ATXN7: variants seen among roughly 807,000 people sequenced by gnomAD.
ATXN7 encodes ataxin-7.
In ATXN7, 12 loss-of-function variants were observed where a neutral mutation model predicts 70.5. The ratio of observed to expected loss-of-function variants is 0.17; its 90% CI spans 0.11 to 0.28. The LOEUF is 0.28. Ranked by LOEUF, ATXN7 falls within the 10% of genes least tolerant of loss-of-function variation. ATXN7 has a pLI of 1.00. For synonymous variants in ATXN7, 498 were observed against 448.7 expected, an observed-to-expected ratio of 1.11 and a Z score of -1.39; for missense variants, 1,256 against 1,131.7, an observed-to-expected ratio of 1.11 and a Z score of -1.58.
chr3:63,863,805 C>T, upstream of ATXN7: 1 of 1,110,930 alleles, frequency 9.0e-7, no homozygotes, highest in East Asian at 3.3e-5. Context: ...TGCGCGGCGG[C>T]GGCGGCGGCG....
intron 8 of ATXN7, among the ~76,000 whole-genome samples, chr3:63,984,509 A>G (rs953325893): frequency 2.6e-5 from 4 of 152,140 alleles, no homozygotes; most frequent in Admixed American, 2.6e-4. Flanking sequence ...CCACATCATG[A>G]TCACAACTTG....
intron 1 of ATXN7, among the ~76,000 whole-genome samples, chr3:63,880,973 C>A (rs928576884): frequency 1.3e-4 from 20 of 152,162 alleles, no homozygotes; most frequent in African/African-American, 3.9e-4. Flanking sequence ...TCAACCCAAC[C>A]CCTACTACTC....
rs374960670 is a variant in ATXN7, at chr3:63,980,128, T to C, written c.713T>C (p.Met238Thr). ...CAGCTCAGGGGGAACACCAGGCCAA[T>C]GCATCCCATTCAGCAAAGTAGAGTT... The part of the protein sequence containing the change: ...KLQLRGNTRP[M>T]HPIQQSRVPH... The change falls in exon 6 of 13, where the codon ATG (methionine) becomes ACG (threonine). Residue 238 changes from methionine (M) to threonine (T), a missense_variant. Coordinates refer to ENST00000674280, the MANE Select transcript of ATXN7 (RefSeq NM_001377405.1). 3.1e-6 allele frequency: 5 copies of C among 1,614,072 alleles called. No individual in the cohort carries two copies. The highest frequency in any genetic ancestry group is 1.1e-5 in the South Asian group (1 of 91,092).
chr3:63,952,517 G>GAAGGTAA (rs755063963), intron 5 of ATXN7, 34 bp downstream of exon 5: 8 of 1,474,530 alleles, frequency 5.4e-6, no homozygotes, highest in Non-Finnish European at 7.5e-6. Context: ...ATTGTTAATA[G>GAAGGTAA]AAGGTAAAAG....
At chr3:63,991,433 A>G (rs573602561) in intron 11 of ATXN7, among the ~76,000 whole-genome samples, 2 of 152,152 alleles carry the variant, frequency 1.3e-5, no homozygotes, top group Admixed American at 1.3e-4. Context: ...TACAGAGGCC[A>G]GAGGGATTCA....
chr3:63,935,539 T>C (rs1414653414), intron 4 of ATXN7, among the ~76,000 whole-genome samples: 2 of 152,206 alleles, frequency 1.3e-5, no homozygotes, highest in African/African-American at 2.4e-5. Context: ...GCAACTGAAT[T>C]GGAAGCTCCT....
At chr3:63,867,062 T>C (rs1248904151) in intron 1 of ATXN7, 1 of 152,100 alleles carries the variant, frequency 6.6e-6, no homozygotes, top group Non-Finnish European at 1.5e-5. Context: ...GAGCTAGCTA[T>C]ATATGGTCTT....
chr3:63,933,229 A>G (rs561332737), intron 4 of ATXN7, among the ~76,000 whole-genome samples: 223 of 152,240 alleles, frequency 1.5e-3, no homozygotes, highest in Non-Finnish European at 2.2e-3. Flanking sequence ...GTCTCTCCCT[A>G]AGGAACTGGC....
In ATXN7 at chr3:63,903,306, G is replaced by A. The variant is rs187867163; in HGVS notation, c.-12+4809G>A. ...GGAGGCTGAGGCAGGAGAATGGCGT[G>A]AACTCAGGAGGTGGAGCTTGCAGTG... On this transcript the variant is annotated intron_variant, in intron 2 of 12. Transcript: ENST00000674280. Among the ~76,000 whole-genome samples, 357 of 142,232 alleles carry A rather than the reference G, an allele frequency of 2.5e-3. 3 individuals are homozygous for A. Among genetic ancestry groups the A allele is most frequent in the Middle Eastern group, 8.1e-3 (2 of 248 alleles). 93.3% of individuals were successfully genotyped at this position (142,232 alleles called of 152,430 possible). A position where few individuals can be genotyped will look rare whatever the true frequency, so the allele number is the denominator to read the frequency against.
chr3:63,941,226 G>A (rs1166318152), intron 4 of ATXN7, among the ~76,000 whole-genome samples: 3 of 151,968 alleles, frequency 2.0e-5, no homozygotes, highest in Non-Finnish European at 4.4e-5. Context: ...TAGCTCCTTG[G>A]TCGTCTGGTG....
At chr3:63,870,881 A>T (rs544940880) in intron 1 of ATXN7, among the ~76,000 whole-genome samples, 1 of 152,060 alleles carries the variant, frequency 6.6e-6, no homozygotes, top group Non-Finnish European at 1.5e-5. Flanking sequence ...ACCCCTGGAG[A>T]TTAGCTCTAG....
intron 4 of ATXN7, among the ~76,000 whole-genome samples, chr3:63,946,919 T>C (rs2074873664): frequency 6.6e-6 from 1 of 151,998 alleles, no homozygotes; most frequent in Non-Finnish European, 1.5e-5. Flanking sequence ...TGTGGCCTTG[T>C]TAGGAGACCT....
At chr3:63,891,209 C>T (rs1188439290) in intron 1 of ATXN7, among the ~76,000 whole-genome samples, 2 of 151,802 alleles carry the variant, frequency 1.3e-5, no homozygotes, top group Non-Finnish European at 2.9e-5. Context: ...GGGGTTTCAC[C>T]TTGTTGGCCA....
chr3:63,990,151 C>T (rs907276150), intron 9 of ATXN7, 25 bp from the exon 10 acceptor site: 25 of 1,609,664 alleles, frequency 1.6e-5, no homozygotes, highest in African/African-American at 2.7e-5. Flanking sequence ...TGATCTGATC[C>T]GTGCTGCACT....
chr3:63,987,994 G>A, intron 8 of ATXN7, 65 bp from the exon 9 acceptor site: 2 of 1,578,340 alleles, frequency 1.3e-6, no homozygotes, highest in Non-Finnish European at 1.7e-6. Context: ...TGGTGTTTTG[G>A]GATATAAGGC....
At chr3:63,984,949 A>G (rs2075550152) in intron 8 of ATXN7, among the ~76,000 whole-genome samples, 1 of 152,234 alleles carries the variant, frequency 6.6e-6, no homozygotes, top group Non-Finnish European at 1.5e-5. Context: ...TTGTTGTAGC[A>G]TATTGCAGAA....
intron 2 of ATXN7, among the ~76,000 whole-genome samples, chr3:63,910,355 G>A (rs930430542): frequency 1.3e-5 from 2 of 152,188 alleles, no homozygotes; most frequent in Admixed American, 6.5e-5. Context: ...ATATGGCTTG[G>A]TGGCCGCAAG....
intron 5 of ATXN7, among the ~76,000 whole-genome samples, chr3:63,967,241 G>A (rs908173761): frequency 4.6e-5 from 7 of 152,124 alleles, no homozygotes; most frequent in African/African-American, 1.4e-4. Context: ...AAGTATGAAA[G>A]CTTTAGTCAG....
chr3:63,879,204 A>G (rs935009011), intron 1 of ATXN7, among the ~76,000 whole-genome samples: 1 of 152,204 alleles, frequency 6.6e-6, no homozygotes, highest in African/African-American at 2.4e-5. Context: ...AATAGCCCAA[A>G]GAGTTACCCT....
Sources: allele counts gnomAD v4.1 joint callset (sites outside exome capture counted in the v4.1 genomes callset), GRCh38; gene constraint gnomAD v4.1.1; transcripts MANE v1.5; gene names NCBI Gene and HGNC (gene_info 2026-07-23, HGNC 2026-07-21).